The following DGKB variants were observed in gnomAD, a reference collection of about 807,000 sequenced individuals.
DGKB encodes the protein diacylglycerol kinase beta.
Under a neutral mutation model 114.3 loss-of-function variants are expected in DGKB, and 67 were observed. That is an observed-to-expected ratio of 0.59 (90% CI 0.48 to 0.72). The LOEUF (loss-of-function observed/expected upper bound fraction) is 0.72. Ranked by LOEUF, DGKB falls within the 30% of genes least tolerant of loss-of-function variation. The probability of loss-of-function intolerance (pLI) is 0.00; values close to 1 mark genes in which losing one functional copy is unlikely to be tolerated. For synonymous variants in DGKB, 398 were observed against 323.1 expected, an observed-to-expected ratio of 1.23 and a Z score of -2.49; for missense variants, 907 against 975.2, an observed-to-expected ratio of 0.93 and a Z score of 0.93.
Position 14,720,984 on chromosome 7 carries a change from T to C in DGKB, c.323-2299A>G, listed in dbSNP as rs540532649. Among the ~76,000 whole-genome samples the C allele has an allele frequency of 1.4e-4, 21 of 152,268 alleles. No individual in the cohort carries two copies. In the South Asian group the frequency reaches 4.1e-3, roughly 30 times the overall value. On this transcript the variant is annotated intron_variant, in intron 5 of 25. Transcript: ENST00000402815. ...CTTGACATGACCATAACTTTCAGAC[T>C]TGGAGAACACAGCACTTGAATTATG...
intron 13 of DGKB, among the ~76,000 whole-genome samples, chr7:14,659,368 G>A (rs373321665): frequency 6.6e-6 from 1 of 152,012 alleles, no homozygotes; most frequent in East Asian, 1.9e-4. Context: ...CCATGAGCAT[G>A]GAATGTTCTT....
intron 2 of DGKB, among the ~76,000 whole-genome samples, chr7:14,837,720 A>G (rs1471823226): frequency 6.6e-6 from 1 of 152,166 alleles, no homozygotes; most frequent in Non-Finnish European, 1.5e-5. Context: ...GCCCCCGATA[A>G]ACTGATCATG....
intron 12 of DGKB, among the ~76,000 whole-genome samples, chr7:14,673,933 T>C (rs1819426384): frequency 6.6e-6 from 1 of 152,018 alleles, no homozygotes; most frequent in African/African-American, 2.4e-5. Flanking sequence ...AAGAGCCACA[T>C]TATTTTTCCA....
intron 20 of DGKB, among the ~76,000 whole-genome samples, chr7:14,538,915 C>A (rs1156275691): frequency 6.6e-6 from 1 of 152,098 alleles, no homozygotes; most frequent in African/African-American, 2.4e-5. Context: ...TTACATGATG[C>A]ATCTGAAACA....
At chr7:14,380,019 T>A (rs1226256728) in intron 21 of DGKB, among the ~76,000 whole-genome samples, 2 of 152,208 alleles carry the variant, frequency 1.3e-5, no homozygotes, top group African/African-American at 2.4e-5. Flanking sequence ...AATTGTAAAG[T>A]CCAGCTGAAG....
intron 1 of DGKB, among the ~76,000 whole-genome samples, chr7:14,884,326 C>A (rs1854688284): frequency 1.3e-5 from 2 of 151,712 alleles, no homozygotes; most frequent in African/African-American, 4.8e-5. Flanking sequence ...ATCCATTTTC[C>A]CTCAGTATTA....
chr7:14,228,317 T>A (rs566418294), intron 23 of DGKB, among the ~76,000 whole-genome samples: 1 of 152,166 alleles, frequency 6.6e-6, no homozygotes, highest in African/African-American at 2.4e-5. Context: ...TTGCTGGACA[T>A]GCTCTGGCAC....
chr7:14,743,007 G>GT (rs764158644), intron 4 of DGKB, among the ~76,000 whole-genome samples: 34 of 152,168 alleles, frequency 2.2e-4, no homozygotes, highest in Middle Eastern at 3.4e-3. Context: ...GATATTATAT[G>GT]TTTTTTTCTG....
chr7:14,901,605 A>ACCCCCCCCCCCCC (rs1300363624), intron 1 of DGKB, among the ~76,000 whole-genome samples: 2 of 123,092 alleles, frequency 1.6e-5, no homozygotes, highest in Non-Finnish European at 3.4e-5. Flanking sequence ...AGGGATTTCC[A>ACCCCCCCCCCCCC]CCCCCCCCCA....
intron 21 of DGKB, among the ~76,000 whole-genome samples, chr7:14,391,754 A>G (rs901455242): frequency 6.6e-6 from 1 of 152,146 alleles, no homozygotes; most frequent in Non-Finnish European, 1.5e-5. Context: ...AGATATATTG[A>G]CACTTGATTT....
intron 1 of DGKB, among the ~76,000 whole-genome samples, chr7:14,921,059 A>G (rs890500474): frequency 6.6e-6 from 1 of 152,112 alleles, no homozygotes; most frequent in Non-Finnish European, 1.5e-5. Context: ...CTGGGTAATG[A>G]GCATAGTACC....
At chr7:14,835,702 C>T (rs1299258455) in intron 2 of DGKB, among the ~76,000 whole-genome samples, 4 of 152,156 alleles carry the variant, frequency 2.6e-5, no homozygotes, top group African/African-American at 9.7e-5. Flanking sequence ...CTCTCTCTCT[C>T]CCCTTTCAGG....
chr7:14,743,233 G>A (rs1832811640), intron 4 of DGKB, among the ~76,000 whole-genome samples: 1 of 152,064 alleles, frequency 6.6e-6, no homozygotes. Context: ...TCTCTCCCTT[G>A]TTGAAGATTT....
intron 1 of DGKB, among the ~76,000 whole-genome samples, chr7:14,870,569 G>C (rs1852303580): frequency 6.6e-6 from 1 of 152,108 alleles, no homozygotes; most frequent in Non-Finnish European, 1.5e-5. Context: ...AGGCCGAGGA[G>C]GGCAGATCGC....
chr7:14,291,099 G>A (rs1432436680), intron 23 of DGKB, among the ~76,000 whole-genome samples: 1 of 132,566 alleles, frequency 7.5e-6, no homozygotes, highest in East Asian at 2.2e-4. Flanking sequence ...CCGAGGTCAT[G>A]CTACTGCACT....
chr7:14,937,776 C>A (rs79281328), intron 1 of DGKB, among the ~76,000 whole-genome samples: 1 of 75,966 alleles, frequency 1.3e-5, no homozygotes, highest in Non-Finnish European at 3.3e-5. Flanking sequence ...CCATATACTT[C>A]TACTTCCTCT....
chr7:14,393,028 G>A (rs373418564), intron 21 of DGKB, among the ~76,000 whole-genome samples: 459 of 8,260 alleles, frequency 0.056, 5 homozygotes, highest in South Asian at 0.21. Flanking sequence ...TCTCGCTATC[G>A]CCCAGGCTGG....
intron 1 of DGKB, among the ~76,000 whole-genome samples, chr7:14,846,582 T>C (rs1848652713): frequency 6.6e-6 from 1 of 152,352 alleles, no homozygotes; most frequent in African/African-American, 2.4e-5. Flanking sequence ...AATATTCAGC[T>C]GAGATTCCCT....
At chr7:14,462,845 G>A (rs1833285303) in intron 21 of DGKB, among the ~76,000 whole-genome samples, 1 of 151,990 alleles carries the variant, frequency 6.6e-6, no homozygotes, top group Non-Finnish European at 1.5e-5. Flanking sequence ...CAAACTATAT[G>A]ACAAGGCTAC....
Sources: allele counts gnomAD v4.1 joint callset (sites outside exome capture counted in the v4.1 genomes callset), GRCh38; gene constraint gnomAD v4.1.1; transcripts MANE v1.5; gene names NCBI Gene and HGNC (gene_info 2026-07-23, HGNC 2026-07-21).